Variants in ROBO2 observed in about 807,000 individuals in gnomAD.
ROBO2 encodes the protein roundabout guidance receptor 2, also known as roundabout homolog 2.
A neutral mutation model predicts 160.8 loss-of-function variants in ROBO2; 53 were observed. The observed-to-expected ratio is 0.33, with a 90% CI of 0.26 to 0.41. The LOEUF is 0.41. ROBO2 is among the 10% of genes least tolerant of loss of function. The pLI, the probability that ROBO2 is intolerant of heterozygous loss-of-function variation, is 1.00. For synonymous variants in ROBO2, 664 were observed against 611.7 expected, an observed-to-expected ratio of 1.09 and a Z score of -1.26; for missense variants, 1,577 against 1,722.4, an observed-to-expected ratio of 0.92 and a Z score of 1.49.
At chr3:76,399,188 A>AT (rs1250487543) in intron 2 of ROBO2, among the ~76,000 whole-genome samples, 1 of 151,766 alleles carries the variant, frequency 6.6e-6, no homozygotes, top group Non-Finnish European at 1.5e-5. Context: ...TTGAATTTGT[A>AT]TTTTTTAAAG....
intron 2 of ROBO2, among the ~76,000 whole-genome samples, chr3:76,097,249 C>T (rs1024001264): frequency 6.6e-6 from 1 of 152,188 alleles, no homozygotes; most frequent in South Asian, 2.1e-4. Context: ...ATCCTAGCTT[C>T]TCTGACGGCA....
chr3:77,553,234 T>C (rs2092985139), intron 8 of ROBO2, among the ~76,000 whole-genome samples: 2 of 151,978 alleles, frequency 1.3e-5, no homozygotes, highest in South Asian at 4.1e-4. Flanking sequence ...GATACTACTA[T>C]AATTTTTGGG....
intron 2 of ROBO2, among the ~76,000 whole-genome samples, chr3:76,033,579 C>G (rs970309951): frequency 8.5e-5 from 13 of 152,204 alleles, no homozygotes; most frequent in Non-Finnish European, 1.9e-4. Flanking sequence ...TTTTACTACT[C>G]ATTGTTATTT....
chr3:76,542,014 C>T (rs1158228508), intron 2 of ROBO2, among the ~76,000 whole-genome samples: 1 of 152,072 alleles, frequency 6.6e-6, no homozygotes, highest in African/African-American at 2.4e-5. Flanking sequence ...TCCTTCTTCC[C>T]TCCTCTCTGC....
chr3:77,490,957 A>T (rs530856213), intron 4 of ROBO2, among the ~76,000 whole-genome samples: 24 of 152,350 alleles, frequency 1.6e-4, no homozygotes, highest in Non-Finnish European at 2.9e-4. Flanking sequence ...TTTCACAGAC[A>T]TACCAACACG....
At chr3:76,189,423 T>C (rs1230239516) in intron 2 of ROBO2, among the ~76,000 whole-genome samples, 1 of 152,122 alleles carries the variant, frequency 6.6e-6, no homozygotes. Flanking sequence ...CAGATAATGA[T>C]AGAAATACAG....
chr3:77,537,874 G>A (rs762468931), intron 6 of ROBO2, among the ~76,000 whole-genome samples: 1 of 152,002 alleles, frequency 6.6e-6, no homozygotes, highest in Non-Finnish European at 1.5e-5. Context: ...AGAACAGCAG[G>A]GTAAAGACCC....
intron 2 of ROBO2, among the ~76,000 whole-genome samples, chr3:77,195,960 C>T (rs565664341): frequency 1.4e-4 from 21 of 152,292 alleles, no homozygotes; most frequent in African/African-American, 3.6e-4. Context: ...TCTAGGCTGA[C>T]GACACATTTT....
At chr3:77,294,020 ACC>A (rs1166462754) in intron 2 of ROBO2, among the ~76,000 whole-genome samples, 2 of 141,290 alleles carry the variant, frequency 1.4e-5, no homozygotes, top group African/African-American at 5.6e-5. Context: ...AGGCTAGATC[ACC>A]CAGACATAAA....
At chr3:76,663,861 G>A (rs1008532486) in intron 2 of ROBO2, among the ~76,000 whole-genome samples, 4 of 151,756 alleles carry the variant, frequency 2.6e-5, no homozygotes, top group East Asian at 1.9e-4. Context: ...TCAAGATTGC[G>A]CCACTGCACT....
intron 2 of ROBO2, among the ~76,000 whole-genome samples, chr3:76,716,263 A>G (rs972288313): frequency 6.6e-6 from 1 of 152,214 alleles, no homozygotes; most frequent in Non-Finnish European, 1.5e-5. Flanking sequence ...TGGAGTCTCT[A>G]TCAAATGGCC....
At position 76,414,788 on chromosome 3, in the gene ROBO2, CA is replaced by C. The variant is rs879831442; in HGVS notation, c.109+477196del. ...TAATTTAAAAAAAAAAAGAAAAAGACAAAAAAAAAATCTAGAAGGTCATGGG... is the reference window on the plus strand; with the variant it reads ...TAATTTAAAAAAAAAAAGAAAAAGACAAAAAAAAATCTAGAAGGTCATGGG... On this transcript the variant is annotated intron_variant, in intron 2 of 26. Coordinates refer to the ROBO2 transcript ENST00000487694. 8.6e-4 allele frequency among the ~76,000 whole-genome samples: 125 copies of C among 144,976 alleles called. 1 individual carries two copies. The highest frequency in any genetic ancestry group is 1.5e-3 in the African/African-American group (61 of 39,358).
intron 2 of ROBO2, among the ~76,000 whole-genome samples, chr3:76,988,595 C>G (rs942526217): frequency 2.6e-5 from 4 of 151,942 alleles, no homozygotes; most frequent in Admixed American, 6.6e-5. Context: ...TTTTCTTTAC[C>G]TTTCTCTGAG....
chr3:76,763,443 T>G (rs1023480889), intron 2 of ROBO2, among the ~76,000 whole-genome samples: 1 of 151,762 alleles, frequency 6.6e-6, no homozygotes, highest in Middle Eastern at 3.2e-3. Flanking sequence ...TAGCTGTCCA[T>G]TATTTATTTC....
At chr3:76,646,384 T>A (rs73120436) in intron 2 of ROBO2, among the ~76,000 whole-genome samples, 4,522 of 152,282 alleles carry the variant, frequency 0.03, 78 homozygotes, top group Middle Eastern at 0.065. Context: ...ATGGAATAGA[T>A]GGGCCATTGA....
rs575019369 is a variant in ROBO2 at position 76,316,019 on chromosome 3, G to A, written c.109+378417G>A. Among the ~76,000 whole-genome samples, 6 of 152,182 alleles carry A rather than the reference G, an allele frequency of 3.9e-5. No homozygotes were observed. In the East Asian group the frequency reaches 1.2e-3, roughly 29 times the overall value. On this transcript the variant is annotated intron_variant, in intron 2 of 26. Coordinates refer to the ROBO2 transcript ENST00000487694. ...TGGAAAACCAGCAAGTTTTTATTAG[G>A]GATTTTAAAAGGGGAGGGAGTGTAC...
intron 1 of ROBO2, among the ~76,000 whole-genome samples, chr3:77,076,945 C>T (rs1488159139): frequency 6.6e-6 from 1 of 152,106 alleles, no homozygotes; most frequent in African/African-American, 2.4e-5. Context: ...ATAAAGGGAA[C>T]CTTCAGAGAT....
chr3:76,390,897 C>G (rs541740097), intron 2 of ROBO2, among the ~76,000 whole-genome samples: 1 of 152,166 alleles, frequency 6.6e-6, no homozygotes, highest in Non-Finnish European at 1.5e-5. Flanking sequence ...ACCCTAGAGT[C>G]TGCCATATAA....
chr3:76,116,678 G>A (rs6773763), intron 2 of ROBO2, among the ~76,000 whole-genome samples: 3,025 of 152,130 alleles, frequency 0.02, 84 homozygotes, highest in African/African-American at 0.053. Flanking sequence ...TAATATGCTG[G>A]CATTTTATCT....
Sources: allele counts gnomAD v4.1 joint callset (sites outside exome capture counted in the v4.1 genomes callset), GRCh38; gene constraint gnomAD v4.1.1; transcripts MANE v1.5; gene names NCBI Gene and HGNC (gene_info 2026-07-23, HGNC 2026-07-21).